CHST9: variants seen among roughly 807,000 people sequenced by gnomAD.
CHST9 encodes carbohydrate sulfotransferase 9, also known as GalNAc-4-sulfotransferase 2.
CHST9 carries 41 observed loss-of-function variants against 44.4 expected under a neutral mutation model. The ratio of observed to expected loss-of-function variants is 0.92; its 90% CI spans 0.72 to 1.20. The LOEUF (loss-of-function observed/expected upper bound fraction) is 1.20, where lower values mean the gene tolerates loss of function less well. Among genes scored for constraint, CHST9 ranks in the 50% most tolerant of loss-of-function variants. The pLI is 0.00. For synonymous variants in CHST9, 171 were observed against 178.4 expected (o/e 0.96, Z 0.33); for missense variants, 504 against 516.5 (o/e 0.98, Z 0.23).
intron 2 of CHST9, among the ~76,000 whole-genome samples, chr18:27,116,358 A>G (rs2058320625): frequency 6.6e-6 from 1 of 152,150 alleles, no homozygotes; most frequent in Admixed American, 6.5e-5. Context: ...CGCCAGTATT[A>G]TTTGTTAAAA....
At position 26,966,071 on chromosome 18, in the gene CHST9, C is replaced by T. The variant is rs181771382; in HGVS notation, c.203-21705G>A. Among the ~76,000 whole-genome samples the T allele has an allele frequency of 1.5e-4, 23 of 152,248 alleles. 1 individual carries two copies. Among genetic ancestry groups the T allele is most frequent in the Non-Finnish European group, 2.6e-4 (18 of 68,012 alleles). ...TTCATAATGCTGCTTTTAATTTTCCCAACTAATTGTTTTTATTTCTTTCTA... is the reference window on the plus strand; with the variant it reads ...TTCATAATGCTGCTTTTAATTTTCCTAACTAATTGTTTTTATTTCTTTCTA... On this transcript the variant is annotated intron_variant, in intron 4 of 5. Coordinates refer to ENST00000618847, the MANE Select transcript of CHST9 (RefSeq NM_031422.6).
In CHST9 at chr18:27,037,027, T is replaced by C. The variant is rs534393242; in HGVS notation, c.160+11438A>G. On this transcript the variant is annotated intron_variant, in intron 3 of 5. Coordinates refer to ENST00000618847, the MANE Select transcript of CHST9 (RefSeq NM_031422.6). ...CTGCTGGGAAGAACATCTACATGCT[T>C]ATTGGGCACATTTGTTTTCTGTCGT... is the stretch of plus-strand genomic sequence containing the variant. 9.2e-5 allele frequency among the ~76,000 whole-genome samples: 14 copies of C among 152,330 alleles called. 1 individual carries two copies. In the South Asian group the frequency reaches 2.9e-3, roughly 32 times the overall value.
chr18:27,060,538 A>G (rs1389578706), intron 2 of CHST9, among the ~76,000 whole-genome samples: 1 of 152,150 alleles, frequency 6.6e-6, no homozygotes, highest in African/African-American at 2.4e-5. Flanking sequence ...AGAGGGTCCC[A>G]ACTAGATGCA....
At chr18:27,058,562 A>T (rs975258966) in intron 2 of CHST9, among the ~76,000 whole-genome samples, 6 of 152,272 alleles carry the variant, frequency 3.9e-5, no homozygotes, top group Middle Eastern at 3.4e-3. Flanking sequence ...TCCAGACACC[A>T]TGTAAGAAAT....
At chr18:27,113,658 C>T (rs1215536787) in intron 2 of CHST9, among the ~76,000 whole-genome samples, 2 of 152,134 alleles carry the variant, frequency 1.3e-5, no homozygotes, top group Non-Finnish European at 2.9e-5. Context: ...CATCTCTGAG[C>T]TAGAAAACAG....
intron 4 of CHST9, among the ~76,000 whole-genome samples, chr18:26,982,291 C>T (rs2056700726): frequency 6.6e-6 from 1 of 150,628 alleles, no homozygotes; most frequent in Admixed American, 6.6e-5. Context: ...TAAAACAGTT[C>T]TGATTACAAA....
At chr18:26,950,871 CA>C (rs766764789) in intron 4 of CHST9, among the ~76,000 whole-genome samples, 2 of 152,170 alleles carry the variant, frequency 1.3e-5, no homozygotes, top group Non-Finnish European at 2.9e-5. Context: ...ATTATTGAAA[CA>C]AAATTTTTTT....
intron 4 of CHST9, among the ~76,000 whole-genome samples, chr18:26,999,076 T>G (rs2056919736): frequency 6.6e-6 from 1 of 152,218 alleles, no homozygotes. Context: ...TAAAAATCAC[T>G]TATTCAGTAC....
At chr18:26,973,301 A>G (rs945215126) in intron 4 of CHST9, among the ~76,000 whole-genome samples, 1 of 152,190 alleles carries the variant, frequency 6.6e-6, no homozygotes, top group African/African-American at 2.4e-5. Flanking sequence ...TGGAAATTCC[A>G]GTGTCTAGAG....
At chr18:27,140,945 A>AG (rs11428408) in intron 2 of CHST9, among the ~76,000 whole-genome samples, 115,013 of 152,148 alleles carry the variant, frequency 0.76, 43,786 homozygotes, top group East Asian at 0.92. Flanking sequence ...CTTTTCACAA[A>AG]GTTACTATAT....
intron 5 of CHST9, chr18:26,935,643 A>T (rs2055975352): frequency 6.6e-6 from 1 of 152,222 alleles, no homozygotes; most frequent in Non-Finnish European, 1.5e-5. Context: ...AATGATAAAA[A>T]TATTCCTTTT....
At chr18:27,133,740 T>C (rs115746460) in intron 2 of CHST9, among the ~76,000 whole-genome samples, 248 of 152,136 alleles carry the variant, frequency 1.6e-3, no homozygotes, top group African/African-American at 5.7e-3. Flanking sequence ...CCACTTTACA[T>C]AGGATGTTTG....
chr18:26,986,894 A>G (rs938760841), intron 4 of CHST9, among the ~76,000 whole-genome samples: 51 of 152,344 alleles, frequency 3.3e-4, no homozygotes, highest in African/African-American at 1.2e-3. Flanking sequence ...AATTGAAATA[A>G]TTTATAGAAA....
chr18:27,082,448 A>G (rs2143685526), intron 2 of CHST9, among the ~76,000 whole-genome samples: 1 of 152,318 alleles, frequency 6.6e-6, no homozygotes, highest in East Asian at 1.9e-4. Flanking sequence ...TGTGTCCCAC[A>G]AGTGAGTTTT....
chr18:27,009,322 A>G (rs150816463), intron 4 of CHST9, among the ~76,000 whole-genome samples: 195 of 152,306 alleles, frequency 1.3e-3, no homozygotes, highest in African/African-American at 4.4e-3. Context: ...TTTTATGAAC[A>G]TGACAAAGAA....
chr18:26,948,168 G>C (rs2056192561), intron 4 of CHST9, among the ~76,000 whole-genome samples: 1 of 152,128 alleles, frequency 6.6e-6, no homozygotes, highest in South Asian at 2.1e-4. Flanking sequence ...AACACCTCAT[G>C]TTCTCACTCA....
At chr18:26,953,637 A>T (rs1254434615) in intron 4 of CHST9, among the ~76,000 whole-genome samples, 1 of 152,210 alleles carries the variant, frequency 6.6e-6, no homozygotes, top group African/African-American at 2.4e-5. Context: ...TAACAAATGA[A>T]TACAGGGAAT....
At chr18:27,156,464 G>T (rs967076118) in intron 1 of CHST9, among the ~76,000 whole-genome samples, 1 of 152,070 alleles carries the variant, frequency 6.6e-6, no homozygotes, top group African/African-American at 2.4e-5. Context: ...TTAAATAGAA[G>T]AAATTGCCTT....
chr18:27,013,025 C>A (rs962049948), intron 4 of CHST9, among the ~76,000 whole-genome samples: 13 of 152,184 alleles, frequency 8.5e-5, no homozygotes, highest in Admixed American at 6.5e-4. Context: ...CTCTGTCAAA[C>A]TGGTGCAGTG....
Sources: gnomAD v4.1 joint callset for allele counts (sites outside exome capture counted in the v4.1 genomes callset) on GRCh38, gnomAD v4.1.1 for gene constraint, MANE v1.5 for transcripts, NCBI Gene and HGNC (gene_info 2026-07-23, HGNC 2026-07-21) for gene names.